The following SLC16A7 variants were observed in gnomAD, a reference collection of about 807,000 sequenced individuals.
The protein encoded by SLC16A7 is solute carrier family 16 member 7, also known as monocarboxylate transporter 2.
SLC16A7 carries 33 observed loss-of-function variants against 34.9 expected under a neutral mutation model. That is an observed-to-expected ratio of 0.94 (90% CI 0.72 to 1.26). The LOEUF is 1.26. SLC16A7 is among the 50% of genes most tolerant of loss of function. SLC16A7 has a pLI of 0.00. For missense variants in SLC16A7, 573 were observed against 578.1 expected, an observed-to-expected ratio of 0.99 and a Z score of 0.09; for synonymous variants, 201 against 206.6, an observed-to-expected ratio of 0.97 and a Z score of 0.23.
chr12:59,788,393 A>G lies in SLC16A7; in HGVS notation c.*8714A>G, dbSNP rs1279628558. 6.6e-6 allele frequency: 1 copy of G among 152,018 alleles called. No individual in the cohort carries two copies. The highest frequency in any genetic ancestry group is 1.5e-5 in the Non-Finnish European group (1 of 67,936). The allele number at this position is 152,018 out of a possible 1,614,324, so 9.4% of individuals were successfully genotyped here. On this transcript the variant is annotated 3_prime_UTR_variant, in exon 6 of 6. Coordinates refer to ENST00000547379, the MANE Select transcript of SLC16A7 (RefSeq NM_001270623.2). Reference sequence around the variant, plus strand: ...AAAATAAAATGTAGTTGTCTTGTTTATTCTATAGATATCTTAATGACCACT... The same window carrying G: ...AAAATAAAATGTAGTTGTCTTGTTTGTTCTATAGATATCTTAATGACCACT...
chr12:59,752,449 G>A (rs915759324), intron 3 of SLC16A7, among the ~76,000 whole-genome samples: 3 of 152,190 alleles, frequency 2.0e-5, no homozygotes, highest in Non-Finnish European at 2.9e-5. Context: ...CGAGAACTAC[G>A]TGAAAAATGC....
chr12:59,728,538 G>T (rs1367133295), intron 3 of SLC16A7, among the ~76,000 whole-genome samples: 1 of 152,170 alleles, frequency 6.6e-6, no homozygotes, highest in Admixed American at 6.5e-5. Flanking sequence ...TCCAGGTGTG[G>T]TGGCTCATGC....
chr12:59,767,088 A>G (rs1478443914), intron 3 of SLC16A7, among the ~76,000 whole-genome samples: 1 of 151,680 alleles, frequency 6.6e-6, no homozygotes, highest in Non-Finnish European at 1.5e-5. Flanking sequence ...GAATTTATCC[A>G]TTTCTTCTAG....
chr12:59,787,219 G>A lies in SLC16A7; in HGVS notation c.*7540G>A, dbSNP rs1233192819. On this transcript the variant is annotated 3_prime_UTR_variant, in exon 6 of 6. Coordinates refer to ENST00000547379, the MANE Select transcript of SLC16A7 (RefSeq NM_001270623.2). ...CCAGAGCACAGAACACACAGTTCAA[G>A]TTTAAATTATTAAATTGTATGCAAG... The A allele has an allele frequency of 6.6e-6, 1 of 152,090 alleles. No individual in the cohort carries two copies. The highest frequency in any genetic ancestry group is 1.5e-5 in the Non-Finnish European group (1 of 67,992). The allele number at this position is 152,090 out of a possible 1,614,324, so 9.4% of individuals were successfully genotyped here.
chr12:59,736,635 G>C (rs1877638677), intron 3 of SLC16A7, among the ~76,000 whole-genome samples: 1 of 152,080 alleles, frequency 6.6e-6, no homozygotes. Context: ...GCCACTTTAG[G>C]ACCCTATCAA....
At chr12:59,624,364 T>C (rs1267583059) in intron 1 of SLC16A7, among the ~76,000 whole-genome samples, 1 of 151,744 alleles carries the variant, frequency 6.6e-6, no homozygotes, top group Non-Finnish European at 1.5e-5. Flanking sequence ...TTCTCTAATT[T>C]ATGTCTTCTT....
intron 3 of SLC16A7, among the ~76,000 whole-genome samples, chr12:59,755,565 C>T (rs867167138): frequency 1.1e-4 from 16 of 152,134 alleles, no homozygotes; most frequent in African/African-American, 3.6e-4. Flanking sequence ...AGAAGGACCT[C>T]TTCAAGGAGA....
intron 2 of SLC16A7, 22 bp from the exon 3 acceptor site, chr12:59,704,750 T>C: frequency 1.6e-6 from 2 of 1,247,772 alleles, no homozygotes; most frequent in Non-Finnish European, 2.3e-6. Flanking sequence ...ATTTAAACTG[T>C]TATTTCATTA....
chr12:59,761,384 C>T (rs944329985), intron 3 of SLC16A7, among the ~76,000 whole-genome samples: 5 of 151,986 alleles, frequency 3.3e-5, no homozygotes, highest in African/African-American at 7.2e-5. Context: ...GGTAATGGCA[C>T]ATATAAAATC....
intron 2 of SLC16A7, among the ~76,000 whole-genome samples, chr12:59,691,396 C>T (rs1283183902): frequency 6.6e-6 from 1 of 151,914 alleles, no homozygotes; most frequent in Non-Finnish European, 1.5e-5. Flanking sequence ...TATTGATTGG[C>T]TATATGTTGT....
At chr12:59,743,130 A>C (rs1207336735) in intron 3 of SLC16A7, among the ~76,000 whole-genome samples, 1 of 152,244 alleles carries the variant, frequency 6.6e-6, no homozygotes, top group African/African-American at 2.4e-5. Flanking sequence ...CAAGGGACTC[A>C]TCATGCTGTT....
At chr12:59,744,393 A>G (rs796907392) in intron 3 of SLC16A7, among the ~76,000 whole-genome samples, 2 of 152,254 alleles carry the variant, frequency 1.3e-5, no homozygotes, top group African/African-American at 4.8e-5. Context: ...ATGTTGCTTC[A>G]AAGAGGAGTC....
At chr12:59,762,351 G>A (rs781346443) in intron 3 of SLC16A7, among the ~76,000 whole-genome samples, 2 of 152,140 alleles carry the variant, frequency 1.3e-5, no homozygotes, top group East Asian at 1.9e-4. Flanking sequence ...AATGTGTTAC[G>A]ATAAATTCAT....
chr12:59,711,338 G>T (rs915194901), intron 3 of SLC16A7, among the ~76,000 whole-genome samples: 2 of 152,172 alleles, frequency 1.3e-5, no homozygotes, highest in African/African-American at 4.8e-5. Flanking sequence ...ATAAAAATGT[G>T]TTGGGTTTTA....
intron 3 of SLC16A7, among the ~76,000 whole-genome samples, chr12:59,723,442 G>A (rs1184469035): frequency 6.6e-6 from 1 of 151,906 alleles, no homozygotes; most frequent in Non-Finnish European, 1.5e-5. Context: ...ATAAAGAGAA[G>A]TAAAATTTAT....
At chr12:59,615,410 G>T (rs928251278) in intron 1 of SLC16A7, among the ~76,000 whole-genome samples, 5 of 151,802 alleles carry the variant, frequency 3.3e-5, no homozygotes, top group Non-Finnish European at 5.9e-5. Context: ...TTTTATTTCA[G>T]TTATGGCAGT....
At chr12:59,617,965 G>A (rs1371047702) in intron 1 of SLC16A7, among the ~76,000 whole-genome samples, 1 of 151,646 alleles carries the variant, frequency 6.6e-6, no homozygotes, top group African/African-American at 2.4e-5. Context: ...CTCATTTCCT[G>A]GTAAAAGCTT....
intron 3 of SLC16A7, among the ~76,000 whole-genome samples, chr12:59,737,324 T>G (rs1488452006): frequency 6.6e-6 from 1 of 152,218 alleles, no homozygotes; most frequent in African/African-American, 2.4e-5. Flanking sequence ...TATAATAAGT[T>G]AAAAATGCCA....
intron 1 of SLC16A7, among the ~76,000 whole-genome samples, chr12:59,619,944 T>C (rs1264589410): frequency 4.6e-5 from 7 of 151,982 alleles, no homozygotes; most frequent in African/African-American, 1.7e-4. Flanking sequence ...ACTGAGGCTT[T>C]AAGTGACTCA....
Sources: gnomAD v4.1 joint callset for allele counts (sites outside exome capture counted in the v4.1 genomes callset) on GRCh38, gnomAD v4.1.1 for gene constraint, MANE v1.5 for transcripts, NCBI Gene and HGNC (gene_info 2026-07-23, HGNC 2026-07-21) for gene names.